The following ASRGL1 variants were observed in gnomAD, a reference collection of about 807,000 sequenced individuals.
ASRGL1 encodes isoaspartyl peptidase/L-asparaginase.
ASRGL1 carries 16 observed loss-of-function variants against 22.4 expected under a neutral mutation model. The observed-to-expected ratio is 0.71, with a 90% CI of 0.48 to 1.08. The LOEUF is 1.08. Among genes scored for constraint, ASRGL1 ranks in the 50% least tolerant of loss-of-function variants. The probability of loss-of-function intolerance (pLI) is 0.00; values close to 1 mark genes in which losing one functional copy is unlikely to be tolerated. For missense variants in ASRGL1, 412 were observed against 410.1 expected (o/e 1.00, Z -0.04); for synonymous variants, 165 against 159.3 (o/e 1.04, Z -0.27).
chr11:62,367,796 G>C (rs937352882), intron 4 of ASRGL1, among the ~76,000 whole-genome samples: 1 of 151,610 alleles, frequency 6.6e-6, no homozygotes, highest in Non-Finnish European at 1.5e-5. Flanking sequence ...ACAAAAACTA[G>C]CTGGGCATGG....
In ASRGL1 at chr11:62,339,765, CAG is replaced by C. The variant is rs952152933; in HGVS notation, c.190+1600_190+1601del. On this transcript the variant is annotated intron_variant, in intron 2 of 6. Coordinates refer to ENST00000415229, the MANE Select transcript of ASRGL1 (RefSeq NM_001083926.2). Reference sequence around the variant, plus strand: ...TTCTCAGATCAGACTAAGGCATAAACAGATTAACTTGGTGGAAGACATTCATC... The same window carrying C: ...TTCTCAGATCAGACTAAGGCATAAACATTAACTTGGTGGAAGACATTCATC... Among the ~76,000 whole-genome samples the C allele has an allele frequency of 4.6e-5, 7 of 152,264 alleles. No homozygotes were observed. In the South Asian group the frequency reaches 1.0e-3, roughly 23 times the overall value.
chr11:62,389,146 G>A lies in ASRGL1; in HGVS notation c.505G>A (p.Val169Met), dbSNP rs146044861. 3.0e-5 allele frequency: 48 copies of A among 1,610,766 alleles called. No homozygotes were observed. The highest frequency in any genetic ancestry group is 4.5e-5 in the East Asian group (2 of 44,760). The change falls in exon 5 of 7, where the codon GTG (valine) becomes ATG (methionine). Residue 169 changes from valine to methionine, a missense_variant. Transcript: ENST00000415229. ...KTDCQKNLGT[V>M]GAVALDCKGN... ...TATTTTTGGCAGAAACTTGGGAACC[G>A]TGGGTGCTGTTGCCTTGGACTGCAA...
At chr11:62,362,813 T>TATACACACACACAC (rs1946508912) in intron 4 of ASRGL1, among the ~76,000 whole-genome samples, 1 of 83,876 alleles carries the variant, frequency 1.2e-5, no homozygotes, top group African/African-American at 4.5e-5. Context: ...TTATCTGACA[T>TATACACACACACAC]ACACACACAC....
At chr11:62,391,458 A>T in intron 5 of ASRGL1, 64 bp from the exon 6 acceptor site, 2 of 1,540,494 alleles carry the variant, frequency 1.3e-6, no homozygotes, top group East Asian at 2.4e-5. Flanking sequence ...GTAGCGTCCG[A>T]CTTCTAATAT....
At chr11:62,349,857 C>A (rs569099532) in intron 2 of ASRGL1, among the ~76,000 whole-genome samples, 15 of 152,138 alleles carry the variant, frequency 9.9e-5, no homozygotes, top group African/African-American at 3.6e-4. Flanking sequence ...TTATTCATGC[C>A]TCCCCTTTTT....
chr11:62,352,663 G>A (rs1048758328), intron 2 of ASRGL1, among the ~76,000 whole-genome samples: 2 of 152,120 alleles, frequency 1.3e-5, no homozygotes, highest in Non-Finnish European at 2.9e-5. Flanking sequence ...GAGTATCTTG[G>A]TTTCTCCTTC....
chr11:62,380,371 C>T (rs1163824826), intron 4 of ASRGL1, among the ~76,000 whole-genome samples: 3 of 152,078 alleles, frequency 2.0e-5, no homozygotes, highest in Non-Finnish European at 4.4e-5. Flanking sequence ...TTTTTAGAGC[C>T]TTGTCTTATT....
At chr11:62,387,464 G>A (rs960861039) in intron 4 of ASRGL1, among the ~76,000 whole-genome samples, 2 of 152,172 alleles carry the variant, frequency 1.3e-5, no homozygotes, top group African/African-American at 4.8e-5. Context: ...GAGATATCGT[G>A]ATCTGGACTT....
intron 2 of ASRGL1, among the ~76,000 whole-genome samples, chr11:62,344,803 A>T (rs1272190660): frequency 6.6e-6 from 1 of 152,188 alleles, no homozygotes; most frequent in Admixed American, 6.5e-5. Context: ...CTGTTGTGCT[A>T]TCAAATACTA....
At chr11:62,375,151 C>G (rs1411780112) in intron 4 of ASRGL1, among the ~76,000 whole-genome samples, 2 of 151,980 alleles carry the variant, frequency 1.3e-5, no homozygotes, top group African/African-American at 2.4e-5. Context: ...TGAAGACTGC[C>G]TTGTCCCGCA....
intron 2 of ASRGL1, among the ~76,000 whole-genome samples, chr11:62,344,047 GA>G (rs1299421350): frequency 6.7e-6 from 1 of 149,962 alleles, no homozygotes; most frequent in Non-Finnish European, 1.5e-5. Context: ...CAGGGCATGT[GA>G]CCCCACACCC....
downstream of ASRGL1, among the ~76,000 whole-genome samples, chr11:62,397,414 C>T (rs527322925): frequency 1.3e-5 from 2 of 152,040 alleles, no homozygotes; most frequent in Admixed American, 6.5e-5. Context: ...GCTTGTAATC[C>T]CAGCACTTTG....
Position 62,377,074 on chromosome 11 carries a change from T to C in ASRGL1, c.492-12059T>C, listed in dbSNP as rs1213552340. Among the ~76,000 whole-genome samples the C allele has an allele frequency of 5.9e-5, 9 of 152,212 alleles. No individual in the cohort carries two copies. The East Asian group carries it at 1.7e-3, about 29-fold the overall frequency. ...TAGGACTTGACACTGGGTGCAATGT[T>C]GTACAATATTTTTTGCCTGTTTCCA... On this transcript the variant is annotated intron_variant, in intron 4 of 6. Coordinates refer to ENST00000415229, the MANE Select transcript of ASRGL1 (RefSeq NM_001083926.2).
chr11:62,342,599 A>G (rs1945893087), intron 2 of ASRGL1, among the ~76,000 whole-genome samples: 2 of 145,810 alleles, frequency 1.4e-5, no homozygotes, highest in South Asian at 2.3e-4. Context: ...TCTGCTAAAT[A>G]TACAAAACTT....
rs778074103 is a variant in ASRGL1, at chr11:62,389,301, G to C, written c.610+50G>C. On this transcript the variant is annotated intron_variant, in intron 5 of 6. Transcript: ENST00000415229. ...CCCTTCCCCTCTTCTCCCGCCCTCA[G>C]GCTTTCCTCACTCTCTATTCCCTGC... 9 of 1,505,468 alleles carry C rather than the reference G, an allele frequency of 6.0e-6. No homozygotes were observed. In the African/African-American group the frequency reaches 1.2e-4, roughly 21 times the overall value. 93.3% of individuals were successfully genotyped at this position (1,505,468 alleles called of 1,614,324 possible). A position where few individuals can be genotyped will look rare whatever the true frequency, so the allele number is the denominator to read the frequency against.
chr11:62,370,992 C>G (rs1042338966), intron 4 of ASRGL1, among the ~76,000 whole-genome samples: 21 of 152,094 alleles, frequency 1.4e-4, no homozygotes, highest in African/African-American at 5.1e-4. Flanking sequence ...CATTAAACAT[C>G]CTGGCGCATT....
intron 4 of ASRGL1, among the ~76,000 whole-genome samples, chr11:62,369,046 G>T (rs1230998967): frequency 6.6e-6 from 1 of 152,078 alleles, no homozygotes; most frequent in Non-Finnish European, 1.5e-5. Flanking sequence ...CGGGTGTCAG[G>T]CTGGGGGACG....
the ASRGL1 span, among the ~76,000 whole-genome samples, chr11:62,400,628 C>T: frequency 2.0e-5 from 3 of 152,218 alleles, no homozygotes; most frequent in Non-Finnish European, 2.9e-5. Context: ...ACGTTTGCAT[C>T]TATTTCTACT....
intron 4 of ASRGL1, among the ~76,000 whole-genome samples, chr11:62,370,345 G>A: frequency 6.6e-6 from 1 of 152,184 alleles, no homozygotes; most frequent in Non-Finnish European, 1.5e-5. Flanking sequence ...TAGCATATAA[G>A]AGGGCTTTAC....
Sources: gnomAD v4.1 joint callset for allele counts (sites outside exome capture counted in the v4.1 genomes callset) on GRCh38, gnomAD v4.1.1 for gene constraint, MANE v1.5 for transcripts, NCBI Gene and HGNC (gene_info 2026-07-23, HGNC 2026-07-21) for gene names.